The following VANGL1 variants were observed in gnomAD, a reference collection of about 807,000 sequenced individuals.
VANGL1 encodes the protein VANGL planar cell polarity protein 1, also known as vang-like protein 1.
In VANGL1, 18 loss-of-function variants were observed where a neutral mutation model predicts 48.4. The ratio of observed to expected loss-of-function variants is 0.37; its 90% CI spans 0.26 to 0.55. The LOEUF is 0.55. VANGL1 is among the 20% of genes least tolerant of loss of function. VANGL1 has a pLI of 0.81. For missense variants in VANGL1, 667 were observed against 675.8 expected, an observed-to-expected ratio of 0.99 and a Z score of 0.14; for synonymous variants, 257 against 261.8, an observed-to-expected ratio of 0.98 and a Z score of 0.18.
rs1653862940 is a variant in VANGL1 at position 115,692,095 on chromosome 1, C to T, written c.*716C>T. On this transcript the variant is annotated 3_prime_UTR_variant, in exon 8 of 8. Coordinates refer to ENST00000355485, the MANE Select transcript of VANGL1 (RefSeq NM_138959.3). The stretch of plus-strand genomic sequence containing the variant: ...CCACCTGGCCTCCATGCCATCCTGC[C>T]CCCACCTGGCTGGCAGCCCTGGCTC... 1 of 153,636 alleles carries T rather than the reference C, an allele frequency of 6.5e-6. No individual in the cohort carries two copies. The highest frequency in any genetic ancestry group is 2.4e-5 in the African/African-American group (1 of 41,478). The allele number at this position is 153,636 out of a possible 1,614,324, so 9.5% of individuals were successfully genotyped here.
At chr1:115,675,083 G>A (rs1653114266) in intron 4 of VANGL1, among the ~76,000 whole-genome samples, 1 of 152,126 alleles carries the variant, frequency 6.6e-6, no homozygotes, top group Non-Finnish European at 1.5e-5. Context: ...CACCAGCAAG[G>A]GGGACTTGGG....
At chr1:115,648,828 T>A (rs1174508860) in intron 1 of VANGL1, among the ~76,000 whole-genome samples, 2 of 152,116 alleles carry the variant, frequency 1.3e-5, no homozygotes, top group Admixed American at 6.6e-5. Context: ...TAGCAAAAAG[T>A]AGCTGGAAGT....
At chr1:115,645,119 A>G (rs1651867354) in intron 1 of VANGL1, among the ~76,000 whole-genome samples, 1 of 152,138 alleles carries the variant, frequency 6.6e-6, no homozygotes, top group African/African-American at 2.4e-5. Context: ...TGCCCCTCCA[A>G]ATAAACCCAC....
chr1:115,684,050 A>G lies in VANGL1; in HGVS notation c.1053A>G (p.Glu351=), dbSNP rs1304473068. 7 of 1,613,958 alleles carry G rather than the reference A, an allele frequency of 4.3e-6. No homozygotes were observed. The highest frequency in any genetic ancestry group is 1.1e-5 in the South Asian group (1 of 91,072). ...TGTATTATGAAGAGGCCGAACATGA[A>G]CGGCGAGTAAAGAAGCGGAAAGCAA... The part of the protein sequence containing the change: ...NELYYEEAEH[E]RRVKKRKARL... The change falls in exon 6 of 8, where the codon GAA becomes GAG. Residue 351 remains glutamate (E), a synonymous_variant. Coordinates refer to ENST00000355485, the MANE Select transcript of VANGL1 (RefSeq NM_138959.3).
At chr1:115,685,101 A>G (rs774375636) in intron 6 of VANGL1, among the ~76,000 whole-genome samples, 192 bp from the exon 7 acceptor site, 3 of 151,858 alleles carry the variant, frequency 2.0e-5, no homozygotes, top group Non-Finnish European at 4.4e-5. Flanking sequence ...TCCACATGTT[A>G]TTTTTGCTGT....
intron 4 of VANGL1, among the ~76,000 whole-genome samples, chr1:115,666,438 C>T (rs994648436): frequency 6.6e-6 from 1 of 152,142 alleles, no homozygotes; most frequent in Admixed American, 6.5e-5. Flanking sequence ...TAGCAGCAGC[C>T]CTCGCCTCCC....
At chr1:115,649,439 T>C (rs1341507531) in intron 1 of VANGL1, among the ~76,000 whole-genome samples, 2 of 152,210 alleles carry the variant, frequency 1.3e-5, no homozygotes, top group African/African-American at 4.8e-5. Context: ...TCTGTCTGAC[T>C]GCAGGTGAGC....
intron 4 of VANGL1, chr1:115,671,423 TC>T (rs1331927748): frequency 3.3e-5 from 5 of 152,308 alleles, no homozygotes; most frequent in Non-Finnish European, 7.3e-5. Context: ...GGAGCCGGGA[TC>T]CACTTGGGCA....
chr1:115,679,895 T>A (rs954207894), intron 4 of VANGL1, among the ~76,000 whole-genome samples: 3 of 151,784 alleles, frequency 2.0e-5, no homozygotes, highest in Non-Finnish European at 4.4e-5. Context: ...AACTGAGTCT[T>A]ACAGCCATGT....
chr1:115,667,616 A>G (rs1020619945), intron 4 of VANGL1, among the ~76,000 whole-genome samples: 3 of 152,164 alleles, frequency 2.0e-5, no homozygotes, highest in African/African-American at 7.2e-5. Flanking sequence ...CCTGTGCATC[A>G]CACCGCTTAC....
intron 3 of VANGL1, among the ~76,000 whole-genome samples, 187 bp downstream of exon 3, chr1:115,659,960 C>G (rs1652486507): frequency 1.3e-5 from 2 of 152,140 alleles, no homozygotes; most frequent in African/African-American, 4.8e-5. Context: ...CGTGGGGATT[C>G]TTCTGAAGTA....
chr1:115,646,883 G>A (rs1651962381), intron 1 of VANGL1, among the ~76,000 whole-genome samples: 1 of 152,186 alleles, frequency 6.6e-6, no homozygotes, highest in Admixed American at 6.5e-5. Flanking sequence ...CTCTTGAAAG[G>A]AGCAGTATTT....
intron 4 of VANGL1, among the ~76,000 whole-genome samples, chr1:115,676,962 T>C (rs1327656026): frequency 6.6e-6 from 1 of 152,156 alleles, no homozygotes; most frequent in East Asian, 1.9e-4. Flanking sequence ...TTTGGAGAAG[T>C]GACTAATTTG....
chr1:115,684,054 C>T lies in VANGL1; in HGVS notation c.1057C>T (p.Arg353Ter), dbSNP rs1341223553. 3.1e-6 allele frequency: 5 copies of T among 1,613,788 alleles called. No homozygotes were observed. Among genetic ancestry groups the T allele is most frequent in the Non-Finnish European group, 4.2e-6 (5 of 1,179,836 alleles). Residue 353 changes from arginine (R) to a stop codon, truncating the protein, a stop_gained, in exon 6 of 8, where the codon CGA becomes TGA. Transcript: ENST00000355485. LOFTEE classifies it high-confidence loss of function. ...TTATGAAGAGGCCGAACATGAACGG[C>T]GAGTAAAGAAGCGGAAAGCAAGGTA... The part of the protein sequence containing the change: ...LYYEEAEHER[R>*]VKKRKARLVV...
At chr1:115,665,257 TGA>T (rs1323666086) in intron 4 of VANGL1, among the ~76,000 whole-genome samples, 1 of 152,238 alleles carries the variant, frequency 6.6e-6, no homozygotes, top group Admixed American at 6.5e-5. Flanking sequence ...TGGCTTGCAC[TGA>T]GATGTTCTCT....
chr1:115,665,504 C>G (rs184184127), intron 4 of VANGL1, among the ~76,000 whole-genome samples: 19 of 152,316 alleles, frequency 1.2e-4, no homozygotes, highest in African/African-American at 4.1e-4. Context: ...TGGCTGGGCT[C>G]CAGGAAGGTG....
intron 4 of VANGL1, among the ~76,000 whole-genome samples, chr1:115,667,010 G>A (rs1570754554): frequency 6.6e-6 from 1 of 152,310 alleles, no homozygotes; most frequent in Non-Finnish European, 1.5e-5. Flanking sequence ...CTTTTGTAAA[G>A]TGTAGAAACA....
At chr1:115,687,938 G>GTATA (rs1553190224) in intron 7 of VANGL1, among the ~76,000 whole-genome samples, 1 of 112,650 alleles carries the variant, frequency 8.9e-6, no homozygotes, top group African/African-American at 3.5e-5. Context: ...CATTCATTAG[G>GTATA]TAGATAGATA....
At chr1:115,663,590 A>G (rs1025456997) in intron 3 of VANGL1, 71 bp from the exon 4 acceptor site, 5 of 1,610,166 alleles carry the variant, frequency 3.1e-6, no homozygotes, top group South Asian at 2.2e-5. Context: ...CGGGCCCTGC[A>G]TGTTCACTGC....
Sources: gnomAD v4.1 joint callset for allele counts (sites outside exome capture counted in the v4.1 genomes callset) on GRCh38, gnomAD v4.1.1 for gene constraint, MANE v1.5 for transcripts, NCBI Gene and HGNC (gene_info 2026-07-23, HGNC 2026-07-21) for gene names.